ACBD6: variants seen among roughly 807,000 people sequenced by gnomAD.
ACBD6 encodes acyl-CoA-binding domain-containing protein 6.
Under a neutral mutation model 37.2 loss-of-function variants are expected in ACBD6, and 28 were observed. That is an observed-to-expected ratio of 0.75 (90% CI 0.56 to 1.03). The LOEUF is 1.03. Ranked by LOEUF, ACBD6 falls within the 50% of genes least tolerant of loss-of-function variation. The pLI is 0.00. For missense variants in ACBD6, 340 were observed against 337.4 expected (o/e 1.01, Z -0.06); for synonymous variants, 113 against 126.8 (o/e 0.89, Z 0.73).
intron 7 of ACBD6, among the ~76,000 whole-genome samples, chr1:180,302,988 C>T (rs1650190941): frequency 6.6e-6 from 1 of 151,992 alleles, no homozygotes; most frequent in African/African-American, 2.4e-5. Context: ...AACTGAACAA[C>T]CTGCTCCTGA....
intron 3 of ACBD6, among the ~76,000 whole-genome samples, chr1:180,459,557 C>A (rs1650050103): frequency 6.6e-6 from 1 of 152,182 alleles, no homozygotes. Flanking sequence ...AGGGCTCTCA[C>A]TAATAGTTGT....
intron 3 of ACBD6, among the ~76,000 whole-genome samples, chr1:180,478,191 AATT>A (rs1210198353): frequency 1.3e-5 from 2 of 152,070 alleles, no homozygotes; most frequent in African/African-American, 4.8e-5. Flanking sequence ...TCTTTATTGA[AATT>A]ATTATAATTT....
downstream of ACBD6, among the ~76,000 whole-genome samples, chr1:180,286,401 G>C (rs1022109412): frequency 1.4e-4 from 21 of 152,196 alleles, no homozygotes; most frequent in African/African-American, 5.1e-4. Flanking sequence ...ATGAAAAAAG[G>C]AGTTCCTTAA....
At chr1:180,381,202 G>C (rs1472997089) in intron 6 of ACBD6, among the ~76,000 whole-genome samples, 2 of 152,122 alleles carry the variant, frequency 1.3e-5, no homozygotes, top group African/African-American at 4.8e-5. Flanking sequence ...GCAGCACCCA[G>C]ATATTATATC....
intron 3 of ACBD6, among the ~76,000 whole-genome samples, chr1:180,443,030 A>ACAATG (rs1356685929): frequency 1.3e-5 from 2 of 151,652 alleles, no homozygotes; most frequent in East Asian, 3.9e-4. Flanking sequence ...AGCTTTAAAG[A>ACAATG]CCTGTATTGT....
At chr1:180,382,283 T>C (rs908336073) in intron 6 of ACBD6, among the ~76,000 whole-genome samples, 3 of 151,638 alleles carry the variant, frequency 2.0e-5, no homozygotes, top group Non-Finnish European at 1.5e-5. Context: ...TCTGAAAAGA[T>C]AAACAGAAGT....
At chr1:180,274,266 A>G in intron 10 of ACBD6, 1 of 1,614,236 alleles carries the variant, frequency 6.2e-7, no homozygotes. Context: ...CAGTTAATGA[A>G]TGGGAGCTTC....
At position 180,430,276 on chromosome 1, in the gene ACBD6, A is replaced by G. The variant is rs181784939; in HGVS notation, c.385-14T>C. 477 of 1,603,290 alleles carry G rather than the reference A, an allele frequency of 3.0e-4. 2 individuals carry two copies. In the African/African-American group the frequency reaches 5.4e-3, roughly 18 times the overall value. On this transcript the variant is annotated splice_polypyrimidine_tract_variant and intron_variant, in intron 3 of 7. Coordinates refer to ENST00000367595, the MANE Select transcript of ACBD6 (RefSeq NM_032360.4). Reference sequence around the variant, plus strand: ...CTTCTCTGGTATCTGTGGGAAGGAGAAAAAAAAGTGAAAAAAAGACAAATG... The same window carrying G: ...CTTCTCTGGTATCTGTGGGAAGGAGGAAAAAAAGTGAAAAAAAGACAAATG...
At chr1:180,302,135 T>C (rs1032759530) in intron 7 of ACBD6, among the ~76,000 whole-genome samples, 4 of 152,126 alleles carry the variant, frequency 2.6e-5, no homozygotes, top group African/African-American at 9.6e-5. Flanking sequence ...TGTATACATA[T>C]GTAACAAACC....
At chr1:180,411,060 A>G (rs1264530106) in intron 5 of ACBD6, among the ~76,000 whole-genome samples, 2 of 152,222 alleles carry the variant, frequency 1.3e-5, no homozygotes, top group African/African-American at 4.8e-5. Context: ...TCAGTGGAAA[A>G]GTTACTTGCA....
In ACBD6 at chr1:180,271,457, A is replaced by G. The variant is rs1455727326; in HGVS notation, c.*1768T>C. ...GCTGGAGACATTAAAGAATGCATAC[A>G]AGAACTCCCCCAAGCCTGCCCGGCA... On this transcript the variant is annotated 3_prime_UTR_variant, in exon 14 of 14. Transcript: ENST00000642319. 7 of 1,614,102 alleles carry G rather than the reference A, an allele frequency of 4.3e-6. No homozygotes were observed. In the Admixed American group the frequency reaches 6.7e-5, roughly 15 times the overall value.
intron 5 of ACBD6, among the ~76,000 whole-genome samples, chr1:180,412,981 A>G (rs1270502988): frequency 6.6e-6 from 1 of 152,234 alleles, no homozygotes; most frequent in Non-Finnish European, 1.5e-5. Context: ...TTTTCTAAAG[A>G]TGTATTTATT....
chr1:180,501,803 A>C (rs1651988602), intron 1 of ACBD6, among the ~76,000 whole-genome samples: 1 of 152,100 alleles, frequency 6.6e-6, no homozygotes. Flanking sequence ...TCAGAGAAAA[A>C]AACACAAAAA....
At chr1:180,361,708 G>A (rs1056786969) in intron 6 of ACBD6, among the ~76,000 whole-genome samples, 1 of 151,732 alleles carries the variant, frequency 6.6e-6, no homozygotes, top group Admixed American at 6.6e-5. Context: ...CCTATAATGG[G>A]GTAAAACCCC....
intron 7 of ACBD6, among the ~76,000 whole-genome samples, chr1:180,306,357 A>G (rs1427373464): frequency 6.6e-6 from 1 of 152,210 alleles, no homozygotes; most frequent in Non-Finnish European, 1.5e-5. Context: ...TCAACTGTAT[A>G]TAAATTTTCT....
At chr1:180,496,993 GTGTT>G (rs1330299305) in intron 1 of ACBD6, among the ~76,000 whole-genome samples, 2 of 152,140 alleles carry the variant, frequency 1.3e-5, no homozygotes, top group Non-Finnish European at 2.9e-5. Flanking sequence ...AAATCAAAGA[GTGTT>G]TGACTCCAAA....
At chr1:180,335,997 C>G (rs1322682921) in intron 6 of ACBD6, among the ~76,000 whole-genome samples, 3 of 151,626 alleles carry the variant, frequency 2.0e-5, no homozygotes, top group East Asian at 1.9e-4. Flanking sequence ...TACAGGAGCA[C>G]CCAGATTCAT....
intron 7 of ACBD6, among the ~76,000 whole-genome samples, chr1:180,296,395 A>G (rs1649918951): frequency 6.6e-6 from 1 of 150,998 alleles, no homozygotes; most frequent in Non-Finnish European, 1.5e-5. Context: ...AGATAAAGAT[A>G]ACTGATGAGG....
chr1:180,414,186 A>C, intron 4 of ACBD6, among the ~76,000 whole-genome samples: 1 of 152,218 alleles, frequency 6.6e-6, no homozygotes, highest in East Asian at 1.9e-4. Flanking sequence ...TTGTATGTAT[A>C]GGGGGAAGAA....
Sources: gnomAD v4.1 joint callset for allele counts (sites outside exome capture counted in the v4.1 genomes callset) on GRCh38, gnomAD v4.1.1 for gene constraint, MANE v1.5 for transcripts, NCBI Gene and HGNC (gene_info 2026-07-23, HGNC 2026-07-21) for gene names.